The following SINHCAF variants were observed in gnomAD, a reference collection of about 807,000 sequenced individuals.
The protein encoded by SINHCAF is SIN3-HDAC complex associated factor.
SINHCAF carries 3 observed loss-of-function variants against 25.8 expected under a neutral mutation model. That is an observed-to-expected ratio of 0.12 (90% confidence interval 0.05 to 0.30). The LOEUF (loss-of-function observed/expected upper bound fraction) is 0.30, where lower values mean the gene tolerates loss of function less well. SINHCAF is among the 10% of genes least tolerant of loss of function. The probability of loss-of-function intolerance (pLI) is 1.00; values close to 1 mark genes in which losing one functional copy is unlikely to be tolerated. For missense variants in SINHCAF, 121 were observed against 262.3 expected, an observed-to-expected ratio of 0.46 and a Z score of 3.72; for synonymous variants, 70 against 85.5, an observed-to-expected ratio of 0.82 and a Z score of 1.00.
At chr12:31,318,195 T>TA (rs1466088270) in intron 1 of SINHCAF, among the ~76,000 whole-genome samples, 2 of 152,214 alleles carry the variant, frequency 1.3e-5, no homozygotes, top group African/African-American at 4.8e-5. Flanking sequence ...GCGGCTAGGC[T>TA]ATTTGGCTGC....
At chr12:31,301,531 A>G (rs956621658) in intron 1 of SINHCAF, among the ~76,000 whole-genome samples, 4 of 152,176 alleles carry the variant, frequency 2.6e-5, no homozygotes, top group Admixed American at 6.5e-5. Context: ...CTTTTAATGG[A>G]TGACAACTTA....
chr12:31,302,058 G>A (rs1938819733), intron 1 of SINHCAF, among the ~76,000 whole-genome samples: 1 of 152,080 alleles, frequency 6.6e-6, no homozygotes. Flanking sequence ...ATATCACTCA[G>A]CACTATGTTT....
At position 31,319,023 on chromosome 12, in the gene SINHCAF, T is replaced by G. The variant is rs9783473; in HGVS notation, c.-21+7001A>C. 6.1e-3 allele frequency among the ~76,000 whole-genome samples: 923 copies of G among 152,344 alleles called. 13 individuals are homozygous for G. The highest frequency in any genetic ancestry group is 0.021 in the African/African-American group (876 of 41,574). ...ATTCTGATTACTAAAGATTTTCTTT[T>G]AAGCCCAGGTCTGTGGGAAAAGAGG... On this transcript the variant is annotated intron_variant, in intron 1 of 5. Coordinates refer to ENST00000337682, the MANE Select transcript of SINHCAF (RefSeq NM_001135812.2).
At chr12:31,319,585 C>T (rs540899132) in intron 1 of SINHCAF, among the ~76,000 whole-genome samples, 1 of 152,356 alleles carries the variant, frequency 6.6e-6, no homozygotes, top group African/African-American at 2.4e-5. Flanking sequence ...ATCAACACAA[C>T]ATCAACACAA....
At position 31,311,901 on chromosome 12, in the gene SINHCAF, C is replaced by T; in HGVS notation, c.-20-13677G>A. On this transcript the variant is annotated intron_variant, in intron 1 of 5. Coordinates refer to ENST00000337682, the MANE Select transcript of SINHCAF (RefSeq NM_001135812.2). Reference sequence around the variant, plus strand: ...GAAGGTGGCATCCACCAGCTATTTCCATTTTAATGACTAGTATCTTTTCAA... The same window carrying T: ...GAAGGTGGCATCCACCAGCTATTTCTATTTTAATGACTAGTATCTTTTCAA... 3.8e-6 allele frequency: 2 copies of T among 530,276 alleles called. 1 individual carries two copies. Among genetic ancestry groups the T allele is most frequent in the South Asian group, 3.0e-5 (2 of 65,830 alleles). The allele number at this position is 530,276 out of a possible 1,614,324, so 32.8% of individuals were successfully genotyped here. A position where few individuals can be genotyped will look rare whatever the true frequency, so the allele number is the denominator to read the frequency against.
chr12:31,322,566 T>G (rs1274298933), intron 1 of SINHCAF, among the ~76,000 whole-genome samples: 1 of 152,152 alleles, frequency 6.6e-6, no homozygotes, highest in Non-Finnish European at 1.5e-5. Context: ...GTTTTTCATT[T>G]TCCTGACATG....
At chr12:31,308,816 CA>C (rs965946182) in intron 1 of SINHCAF, among the ~76,000 whole-genome samples, 7 of 152,050 alleles carry the variant, frequency 4.6e-5, no homozygotes, top group African/African-American at 1.4e-4. Context: ...AAAGGCACTA[CA>C]GAGATCCGCA....
In SINHCAF at chr12:31,293,792, A is replaced by G; in HGVS notation, c.355+13T>C. 2.5e-6 allele frequency: 4 copies of G among 1,596,924 alleles called. No homozygotes were observed. The highest frequency in any genetic ancestry group is 1.1e-5 in the South Asian group (1 of 87,768). On this transcript the variant is annotated intron_variant, in intron 4 of 5. Coordinates refer to ENST00000337682, the MANE Select transcript of SINHCAF (RefSeq NM_001135812.2). ...ACAATTATTAAGTACTAATGTTGTA[A>G]TATCAAACTTACTATGACGTTTAAA...
chr12:31,324,469 C>T lies in SINHCAF; in HGVS notation c.-21+1555G>A. The T allele has an allele frequency of 6.2e-6, 1 of 160,436 alleles. No homozygotes were observed. The highest frequency in any genetic ancestry group is 1.3e-5 in the Non-Finnish European group (1 of 74,222). The allele number at this position is 160,436 out of a possible 1,614,324, so 9.9% of individuals were successfully genotyped here. A position where few individuals can be genotyped will look rare whatever the true frequency, so the allele number is the denominator to read the frequency against. ...GCACGCCCGGAGCGGGGAAGCACGC[C>T]GCCTCCCTACGCACCAGCATGGCAC... On this transcript the variant is annotated intron_variant, in intron 1 of 5. Coordinates refer to ENST00000337682, the MANE Select transcript of SINHCAF (RefSeq NM_001135812.2). This position sits in a 1 kb window ranked among gnomAD's most constrained non-coding sequence, Gnocchi z 5.5.
intron 1 of SINHCAF, chr12:31,303,128 C>G (rs1938875158): frequency 1.5e-5 from 15 of 985,212 alleles, no homozygotes; most frequent in Non-Finnish European, 1.8e-5. Context: ...ATGGGAGGTT[C>G]TAACACTGAT....
chr12:31,312,562 G>T (rs369463803), intron 1 of SINHCAF, among the ~76,000 whole-genome samples: 2 of 152,128 alleles, frequency 1.3e-5, no homozygotes, highest in African/African-American at 2.4e-5. Flanking sequence ...TATTTCAGTG[G>T]TATCTCAGTG....
At chr12:31,322,514 T>G (rs549707080) in intron 1 of SINHCAF, among the ~76,000 whole-genome samples, 2 of 152,306 alleles carry the variant, frequency 1.3e-5, no homozygotes, top group African/African-American at 4.8e-5. Flanking sequence ...CCTTTTGGTA[T>G]TGTAATTTGG....
intron 5 of SINHCAF, among the ~76,000 whole-genome samples, chr12:31,285,418 T>TACACACAAAC (rs1555110961): frequency 7.1e-6 from 1 of 141,356 alleles, no homozygotes; most frequent in Middle Eastern, 3.2e-3. Flanking sequence ...TATATATACA[T>TACACACAAAC]ACACACACAC....
In SINHCAF at chr12:31,290,476, A is replaced by C. The variant is rs1938265872; in HGVS notation, c.356-2692T>G. Among the ~76,000 whole-genome samples the C allele has an allele frequency of 2.0e-5, 3 of 152,144 alleles. No homozygotes were observed. The South Asian group carries it at 6.2e-4, about 32-fold the overall frequency. ...TTTTATATTTACAAATATTTACATA[A>C]AACAGCATAAAATTAGGTATCTAAA... On this transcript the variant is annotated intron_variant, in intron 4 of 5. Transcript: ENST00000337682.
At chr12:31,312,332 G>GTT (rs1939304898) in intron 1 of SINHCAF, among the ~76,000 whole-genome samples, 1 of 152,088 alleles carries the variant, frequency 6.6e-6, no homozygotes, top group Admixed American at 6.6e-5. Flanking sequence ...CAAGTAATGT[G>GTT]TTTTCAACAT....
At position 31,298,402 on chromosome 12, in the gene SINHCAF, C is replaced by T. The variant is rs571291073; in HGVS notation, c.-20-178G>A. 1.0e-5 allele frequency: 6 copies of T among 594,472 alleles called. No homozygotes were observed. In the East Asian group the frequency reaches 1.5e-4, roughly 15 times the overall value. 36.8% of individuals were successfully genotyped at this position (594,472 alleles called of 1,614,324 possible). A position where few individuals can be genotyped will look rare whatever the true frequency, so the allele number is the denominator to read the frequency against. On this transcript the variant is annotated intron_variant, in intron 1 of 5. Transcript: ENST00000337682. ...CCATTCTTGGCACTATCAAGGCAAGCGTATAAAACACAAAGAAAAGCCTAG... is the reference window on the plus strand; with the variant it reads ...CCATTCTTGGCACTATCAAGGCAAGTGTATAAAACACAAAGAAAAGCCTAG...
rs548274846 is a variant in SINHCAF at position 31,314,140 on chromosome 12, C to CT, written c.-21+11883_-21+11884insA. On this transcript the variant is annotated intron_variant, in intron 1 of 5. Transcript: ENST00000337682. ...CAACAAGAGCAGGGGCCTTTGGAGC[C>CT]GTGTTTCCTGTCACAGTCTAACAAG... Among the ~76,000 whole-genome samples, 464 of 152,002 alleles carry CT rather than the reference C, an allele frequency of 3.1e-3. 1 individual carries two copies. Among genetic ancestry groups the CT allele is most frequent in the African/African-American group, 0.011 (449 of 41,474 alleles).
At chr12:31,297,986 C>T (rs894498460) in intron 2 of SINHCAF, 91 bp downstream of exon 2, 1 of 1,230,152 alleles carries the variant, frequency 8.1e-7, no homozygotes, top group Non-Finnish European at 1.2e-6. Flanking sequence ...TTATTATTAG[C>T]ACATTGTTCC....
chr12:31,304,159 A>G (rs1938931656), intron 1 of SINHCAF: 1 of 146,932 alleles, frequency 6.8e-6, no homozygotes, highest in South Asian at 2.1e-4. Context: ...TTTGCCAGCT[A>G]TTTTGCCAGC....
Sources: allele counts gnomAD v4.1 joint callset (sites outside exome capture counted in the v4.1 genomes callset), GRCh38; gene constraint gnomAD v4.1.1; non-coding constraint Gnocchi (gnomAD v3.1); transcripts MANE v1.5; gene names NCBI Gene and HGNC (gene_info 2026-07-23, HGNC 2026-07-21).